Variants in PCDHA9 observed in about 807,000 individuals in gnomAD.
The protein encoded by PCDHA9 is protocadherin alpha 9, also known as protocadherin alpha-9.
In PCDHA9, 62 loss-of-function variants were observed where a neutral mutation model predicts 62.0. That is an observed-to-expected ratio of 1.00 (90% CI 0.81 to 1.23). PCDHA9 has a LOEUF of 1.23. Ranked by LOEUF, PCDHA9 falls within the 50% of genes most tolerant of loss-of-function variation. The probability of loss-of-function intolerance (pLI) is 0.00; values close to 1 mark genes in which losing one functional copy is unlikely to be tolerated. For synonymous variants in PCDHA9, 557 were observed against 567.6 expected, an observed-to-expected ratio of 0.98 and a Z score of 0.27; for missense variants, 1,205 against 1,249.8, an observed-to-expected ratio of 0.96 and a Z score of 0.54.
At chr5:140,906,278 C>A (rs546102354) in intron 1 of PCDHA9, among the ~76,000 whole-genome samples, 1 of 152,152 alleles carries the variant, frequency 6.6e-6, no homozygotes, top group Admixed American at 6.6e-5. Flanking sequence ...AGATAATCTT[C>A]AAATTAAGAC....
At chr5:140,864,675 T>A (rs1331256646) in intron 1 of PCDHA9, 6 of 152,254 alleles carry the variant, frequency 3.9e-5, no homozygotes, top group African/African-American at 1.4e-4. Context: ...GTTGACTTAA[T>A]TGCTGCTGTC....
At chr5:140,876,918 G>A (rs2056694252) in intron 1 of PCDHA9, 4 of 1,613,936 alleles carry the variant, frequency 2.5e-6, no homozygotes, top group East Asian at 2.2e-5. Context: ...CATGGGACGC[G>A]GACGCGCAGA....
At chr5:140,929,160 T>G in intron 1 of PCDHA9, 1 of 1,614,130 alleles carries the variant, frequency 6.2e-7, no homozygotes, top group East Asian at 2.2e-5. Context: ...CTTATCTCTA[T>G]CGGGCCTCTC....
At chr5:140,870,715 G>T (rs1554164627) in intron 1 of PCDHA9, 2 of 1,613,126 alleles carry the variant, frequency 1.2e-6, no homozygotes, top group East Asian at 2.2e-5. Flanking sequence ...GAGCGCGCGC[G>T]ATGCGGGCGT....
At chr5:140,891,849 C>G (rs1446447359) in intron 1 of PCDHA9, among the ~76,000 whole-genome samples, 2 of 152,262 alleles carry the variant, frequency 1.3e-5, no homozygotes, top group African/African-American at 4.8e-5. Context: ...TGGAAGGAGC[C>G]TGTCCCTCTC....
Position 140,849,558 on chromosome 5 carries a change from C to T in PCDHA9, c.1063C>T (p.Leu355Phe). ...TGCTCCACAGTTGACTATCAAAACG[C>T]TCTCGGTTCCTGTAAAAGAGGACGC... is the stretch of plus-strand genomic sequence containing the variant. ...DNAPQLTIKT[L>F]SVPVKEDAQL... The change falls in exon 1 of 4, where the codon CTC becomes TTC. Residue 355 changes from leucine to phenylalanine, a missense_variant. Physicochemically the swap from Leu to Phe is conservative, Grantham distance 22. This residue lies in a region of PCDHA9 where 887 missense variants were observed against 809.5 expected (regional missense o/e 1.10). Coordinates refer to ENST00000532602, the MANE Select transcript of PCDHA9 (RefSeq NM_031857.2). The T allele has an allele frequency of 6.3e-7, 1 of 1,598,598 alleles. No individual in the cohort carries two copies. Among genetic ancestry groups the T allele is most frequent in the Non-Finnish European group, 8.6e-7 (1 of 1,167,932 alleles).
intron 1 of PCDHA9, among the ~76,000 whole-genome samples, chr5:140,934,050 C>G (rs558726288): frequency 6.6e-6 from 1 of 151,834 alleles, no homozygotes; most frequent in African/African-American, 2.4e-5. Flanking sequence ...TTAGTCTTTC[C>G]AAGGCTAACT....
At chr5:140,950,195 C>A (rs186601471) in intron 1 of PCDHA9, among the ~76,000 whole-genome samples, 1 of 152,028 alleles carries the variant, frequency 6.6e-6, no homozygotes, top group Non-Finnish European at 1.5e-5. Context: ...AAAAAATAGT[C>A]ATTTCTGTTT....
chr5:140,932,398 T>TA (rs1472151465), intron 1 of PCDHA9, among the ~76,000 whole-genome samples: 1 of 151,960 alleles, frequency 6.6e-6, no homozygotes, highest in Non-Finnish European at 1.5e-5. Flanking sequence ...AGTTTCAACA[T>TA]ACCAATGTTA....
At chr5:140,856,571 G>T in intron 1 of PCDHA9, 1 of 1,597,838 alleles carries the variant, frequency 6.3e-7, no homozygotes, top group African/African-American at 1.3e-5. Context: ...CAGTCCAAAT[G>T]AGTATTTTGT....
At position 141,010,234 on chromosome 5, in the gene PCDHA9, T is replaced by C. The variant is rs1455330920; in HGVS notation, c.*297T>C. 1 of 1,551,824 alleles carries C rather than the reference T, an allele frequency of 6.4e-7. No individual in the cohort carries two copies. Among genetic ancestry groups the C allele is most frequent in the Non-Finnish European group, 8.7e-7 (1 of 1,147,042 alleles). On this transcript the variant is annotated 3_prime_UTR_variant, in exon 4 of 4. Transcript: ENST00000532602. ...AGGAGAGGCTTCCCAGCCCCGCCAG[T>C]GAGAGGTTGGACTCTCTGCCCTGTG...
intron 1 of PCDHA9, chr5:140,966,824 A>G (rs1463208532): frequency 1.3e-6 from 2 of 1,559,876 alleles, no homozygotes; most frequent in Admixed American, 1.9e-5. Flanking sequence ...CCGGCGGCCC[A>G]TGCCCTGGCT....
At chr5:140,937,739 C>T (rs1563162684) in intron 1 of PCDHA9, among the ~76,000 whole-genome samples, 1 of 151,716 alleles carries the variant, frequency 6.6e-6, no homozygotes, top group African/African-American at 2.4e-5. Context: ...GGTGAAACCC[C>T]GTCTCTACTA....
chr5:140,938,463 T>C (rs1399110046), intron 1 of PCDHA9, among the ~76,000 whole-genome samples: 1 of 152,216 alleles, frequency 6.6e-6, no homozygotes, highest in Non-Finnish European at 1.5e-5. Flanking sequence ...GTTTTTTAAT[T>C]TATTATGTTT....
chr5:140,895,023 T>C (rs781895966), intron 1 of PCDHA9, among the ~76,000 whole-genome samples: 2 of 152,204 alleles, frequency 1.3e-5, no homozygotes, highest in Non-Finnish European at 2.9e-5. Flanking sequence ...TTTCCTTTGT[T>C]TAATTGTCCC....
chr5:140,850,666 C>G lies in PCDHA9; in HGVS notation c.2171C>G (p.Ser724Trp). ...TLLLYTVLRC[S>W]AMPTEGECAP... ...CTGCTGTACACTGTGCTGCGGTGCT[C>G]GGCGATGCCCACCGAGGGCGAGTGC... The change falls in exon 1 of 4, where the codon TCG (serine) becomes TGG (tryptophan). Residue 724 changes from serine (S) to tryptophan (W), a missense_variant. This residue lies in a region of PCDHA9 where 887 missense variants were observed against 809.5 expected (regional missense o/e 1.10). Transcript: ENST00000532602. 6.3e-7 allele frequency: 1 copy of G among 1,598,434 alleles called. No individual in the cohort carries two copies. Among genetic ancestry groups the G allele is most frequent in the Non-Finnish European group, 8.6e-7 (1 of 1,167,856 alleles).
intron 1 of PCDHA9, among the ~76,000 whole-genome samples, chr5:140,960,324 G>A (rs2095540604): frequency 6.6e-6 from 1 of 152,168 alleles, no homozygotes; most frequent in Non-Finnish European, 1.5e-5. Context: ...AGGGTCCTGT[G>A]AGAAGTACAT....
chr5:140,851,337 C>G, intron 1 of PCDHA9: 5 of 979,030 alleles, frequency 5.1e-6, no homozygotes, highest in Non-Finnish European at 6.2e-6. Flanking sequence ...TAGTTCTCTA[C>G]ATTTCTCTGG....
chr5:140,879,783 G>A (rs182330190), intron 1 of PCDHA9, among the ~76,000 whole-genome samples: 1 of 152,162 alleles, frequency 6.6e-6, no homozygotes, highest in African/African-American at 2.4e-5. Flanking sequence ...GAAGAATCTG[G>A]TTTTTGTTTC....
Sources: gnomAD v4.1 joint callset for allele counts (sites outside exome capture counted in the v4.1 genomes callset) on GRCh38, gnomAD v4.1.1 for gene constraint, gnomAD v4.1.1 regional missense constraint, MANE v1.5 for transcripts, NCBI Gene and HGNC (gene_info 2026-07-23, HGNC 2026-07-21) for gene names.